CFH: variants seen among roughly 807,000 people sequenced by gnomAD.
CFH encodes complement factor H.
Under a neutral mutation model 147.3 loss-of-function variants are expected in CFH, and 53 were observed. That is an observed-to-expected ratio of 0.36 (90% confidence interval 0.29 to 0.45). CFH has a LOEUF of 0.45. Among genes scored for constraint, CFH ranks in the 20% least tolerant of loss-of-function variants. CFH has a pLI of 1.00. For synonymous variants in CFH, 536 were observed against 489.4 expected, an observed-to-expected ratio of 1.10 and a Z score of -1.26; for missense variants, 1,380 against 1,498.0, an observed-to-expected ratio of 0.92 and a Z score of 1.30.
rs574742690 is a variant in CFH at position 196,737,807 on chromosome 1, G to T, written c.2782+147G>T. ...CCATTAAAATACTTTTTGCATGATT[G>T]AATCTATTCTATTTATGTTAATTTT... On this transcript the variant is annotated intron_variant, in intron 17 of 21. Transcript: ENST00000367429. 1.9e-4 allele frequency: 110 copies of T among 587,804 alleles called. No homozygotes were observed. In the East Asian group the frequency reaches 3.0e-3, roughly 16 times the overall value. The allele number at this position is 587,804 out of a possible 1,614,324, so 36.4% of individuals were successfully genotyped here.
At chr1:196,664,381 G>C (rs2149071833) in intron 1 of CFH, among the ~76,000 whole-genome samples, 1 of 152,250 alleles carries the variant, frequency 6.6e-6, no homozygotes, top group South Asian at 2.1e-4. Context: ...TATTGTGAAG[G>C]TGTCCTAAGT....
chr1:196,670,674 C>T (rs1667246304), intron 1 of CFH, among the ~76,000 whole-genome samples: 1 of 152,108 alleles, frequency 6.6e-6, no homozygotes, highest in Non-Finnish European at 1.5e-5. Flanking sequence ...TTATAAATTA[C>T]CCAGTCTTGA....
chr1:196,658,416 T>TTTTTTTTTTTTTTTTC, intron 1 of CFH, among the ~76,000 whole-genome samples: 3 of 133,818 alleles, frequency 2.2e-5, no homozygotes, highest in Non-Finnish European at 3.1e-5. Context: ...AATTTTTTTT[T>TTTTTTTTTTTTTTTTC]TTTTTTTTTT....
At chr1:196,715,068 C>CA (rs1668835506) in intron 10 of CFH, among the ~76,000 whole-genome samples, 1 of 151,704 alleles carries the variant, frequency 6.6e-6, no homozygotes, top group African/African-American at 2.4e-5. Context: ...GTCTAGTTTA[C>CA]AAAAAATGTT....
At chr1:196,729,921 C>G (rs981631492) in intron 15 of CFH, among the ~76,000 whole-genome samples, 1 of 151,736 alleles carries the variant, frequency 6.6e-6, no homozygotes, top group Non-Finnish European at 1.5e-5. Context: ...TTTTTGATAT[C>G]AGTTGTAATA....
chr1:196,746,251 C>A (rs918987812), intron 21 of CFH, among the ~76,000 whole-genome samples: 4 of 152,080 alleles, frequency 2.6e-5, no homozygotes, highest in African/African-American at 4.8e-5. Flanking sequence ...TGAGGACCAT[C>A]CTGGCTAACA....
At chr1:196,731,391 ATT>A (rs1669277761) in intron 15 of CFH, among the ~76,000 whole-genome samples, 1 of 151,830 alleles carries the variant, frequency 6.6e-6, no homozygotes, top group Admixed American at 6.6e-5. Flanking sequence ...AAATATCTAA[ATT>A]TTACTCTGCT....
chr1:196,737,059 C>A (rs1256969451), intron 16 of CFH, 53 bp downstream of exon 16: 17 of 1,453,488 alleles, frequency 1.2e-5, no homozygotes, highest in Non-Finnish European at 1.4e-5. Flanking sequence ...GGTTAATATT[C>A]TCTTGTGCTT....
In CFH at chr1:196,732,033, G is replaced by C. The variant is rs927625433; in HGVS notation, c.2413+3511G>C. ...GGTGTGGGTTTCTATTTCTTTCCCA[G>C]TTGTTGAAAGTTTTCTGTCATTATT... is the stretch of plus-strand genomic sequence containing the variant. On this transcript the variant is annotated intron_variant, in intron 15 of 21. Transcript: ENST00000367429. 4.6e-5 allele frequency among the ~76,000 whole-genome samples: 7 copies of C among 151,932 alleles called. No individual in the cohort carries two copies. In the East Asian group the frequency reaches 9.6e-4, roughly 21 times the overall value.
At chr1:196,701,379 G>A (rs776451840) in intron 9 of CFH, 32 of 1,613,386 alleles carry the variant, frequency 2.0e-5, no homozygotes, top group Non-Finnish European at 2.5e-5. Flanking sequence ...GATCAAAGAT[G>A]ACAAGGGCCA....
At chr1:196,688,692 C>G (rs1278305783) in intron 7 of CFH, among the ~76,000 whole-genome samples, 1 of 152,132 alleles carries the variant, frequency 6.6e-6, no homozygotes, top group South Asian at 2.1e-4. Context: ...TTCACTGCAA[C>G]CTCTGCCTCC....
intron 9 of CFH, chr1:196,701,264 G>C: frequency 6.2e-7 from 1 of 1,612,708 alleles, no homozygotes; most frequent in East Asian, 2.2e-5. Context: ...AGTTGCTAGT[G>C]GAATCTCAGC....
chr1:196,717,156 G>A (rs1168968535), intron 11 of CFH, among the ~76,000 whole-genome samples: 1 of 152,044 alleles, frequency 6.6e-6, no homozygotes, highest in African/African-American at 2.4e-5. Context: ...TAATGAAAAG[G>A]TAGTGTAACA....
Position 196,654,981 on chromosome 1 carries a change from C to T in CFH, c.58+2806C>T, listed in dbSNP as rs143228698. Among the ~76,000 whole-genome samples the T allele has an allele frequency of 5.9e-5, 9 of 152,082 alleles. No homozygotes were observed. The East Asian group carries it at 1.4e-3, about 23-fold the overall frequency. On this transcript the variant is annotated intron_variant, in intron 1 of 21. Coordinates refer to ENST00000367429, the MANE Select transcript of CFH (RefSeq NM_000186.4). ...TCTATATGGTGTGATTTAAATTGTG[C>T]GATGGCCCAATTGGCTTCAATATCT...
intron 10 of CFH, among the ~76,000 whole-genome samples, chr1:196,715,262 G>C (rs6688272): frequency 6.6e-6 from 1 of 151,526 alleles, no homozygotes; most frequent in African/African-American, 2.4e-5. Context: ...ATTCTGTTAT[G>C]ATTTTCTTTA....
intron 6 of CFH, among the ~76,000 whole-genome samples, chr1:196,680,346 T>C (rs1341600062): frequency 6.7e-6 from 1 of 150,254 alleles, no homozygotes; most frequent in Non-Finnish European, 1.5e-5. Context: ...ACTTTCATTA[T>C]GGAGGGATGT....
intron 10 of CFH, 104 bp from the exon 11 acceptor site, chr1:196,715,489 T>G (rs1668847793): frequency 1.2e-6 from 1 of 868,482 alleles, no homozygotes; most frequent in Non-Finnish European, 1.9e-6. Flanking sequence ...TACCTATTTA[T>G]TAGTAGATCT....
rs1250761326 is a variant in CFH at position 196,657,124 on chromosome 1, G to C, written c.58+4949G>C. On this transcript the variant is annotated intron_variant, in intron 1 of 21. Transcript: ENST00000367429. ...CTCCTGCCTCAGCCTCCCACACCTA[G>C]CTAAATTTTTTTCTTTTCTTTTTTC... is the stretch of plus-strand genomic sequence containing the variant. Among the ~76,000 whole-genome samples, 5 of 151,894 alleles carry C rather than the reference G, an allele frequency of 3.3e-5. No homozygotes were observed. In the South Asian group the frequency reaches 1.0e-3, roughly 32 times the overall value.
chr1:196,745,217 T>C (rs2149117642), intron 20 of CFH, among the ~76,000 whole-genome samples: 1 of 152,302 alleles, frequency 6.6e-6, no homozygotes, highest in East Asian at 1.9e-4. Context: ...ATGGTCAAAA[T>C]GGGAAGTTTT....
Sources: gnomAD v4.1 joint callset for allele counts (sites outside exome capture counted in the v4.1 genomes callset) on GRCh38, gnomAD v4.1.1 for gene constraint, MANE v1.5 for transcripts, NCBI Gene and HGNC (gene_info 2026-07-23, HGNC 2026-07-21) for gene names.